ABCA13: variants seen among roughly 807,000 people sequenced by gnomAD.
ABCA13 encodes ATP-binding cassette sub-family A member 13.
Under a neutral mutation model 478.7 loss-of-function variants are expected in ABCA13, and 476 were observed. That is an observed-to-expected ratio of 0.99 (90% confidence interval 0.92 to 1.07). ABCA13 has a LOEUF of 1.07. ABCA13 is among the 50% of genes least tolerant of loss of function. The probability of loss-of-function intolerance (pLI) is 0.00; values close to 1 mark genes in which losing one functional copy is unlikely to be tolerated. For missense variants in ABCA13, 6,060 were observed against 5,910.6 expected (o/e 1.03, Z -0.83); for synonymous variants, 2,252 against 2,158.9 (o/e 1.04, Z -1.20).
chr7:48,410,857 A>G (rs1457996808), intron 40 of ABCA13, among the ~76,000 whole-genome samples, 180 bp downstream of exon 40: 2 of 152,256 alleles, frequency 1.3e-5, no homozygotes, highest in Admixed American at 6.5e-5. Flanking sequence ...GAACCCAAGC[A>G]TGCATTTTGA....
chr7:48,212,771 A>T (rs1359890976), intron 3 of ABCA13, among the ~76,000 whole-genome samples: 2 of 151,994 alleles, frequency 1.3e-5, no homozygotes, highest in Non-Finnish European at 2.9e-5. Context: ...TATGCAATTG[A>T]TTTTTTATTT....
intron 17 of ABCA13, among the ~76,000 whole-genome samples, chr7:48,277,067 G>T (rs1002964737): frequency 2.0e-5 from 3 of 152,184 alleles, no homozygotes; most frequent in Admixed American, 2.0e-4. Context: ...TGAAAAGGCT[G>T]GAGGGAAATT....
chr7:48,279,699 T>C lies in ABCA13; in HGVS notation c.8505T>C (p.Ser2835=). ...GGAAAGGACTTCTGTTTAACAACTC[T>C]GAATGGATAACTTCCACAAGAACTT... ...LWRKGLLFNN[S]EWITSTRTLF... is the part of the protein sequence containing the mutation. The change falls in exon 18 of 62, where the codon TCT becomes TCC. Residue 2835 remains serine, a synonymous_variant. Transcript: ENST00000435803. 6.2e-7 allele frequency: 1 copy of C among 1,613,700 alleles called. No homozygotes were observed. The highest frequency in any genetic ancestry group is 8.5e-7 in the Non-Finnish European group (1 of 1,179,784).
chr7:48,417,807 A>T lies in ABCA13; in HGVS notation c.12459+5224A>T, dbSNP rs144367672. 6.5e-4 allele frequency among the ~76,000 whole-genome samples: 99 copies of T among 152,168 alleles called. 3 individuals are homozygous for T. The East Asian group carries it at 0.015, about 23-fold the overall frequency. ...TATGGAACAGTTTCACTGCCCTGAA[A>T]ATCTCTTGTGCTCTGCCTAGCCATT... On this transcript the variant is annotated intron_variant, in intron 41 of 61. Coordinates refer to ENST00000435803, the MANE Select transcript of ABCA13 (RefSeq NM_152701.5).
At chr7:48,254,130 A>G (rs1180832638) in intron 15 of ABCA13, among the ~76,000 whole-genome samples, 1 of 152,018 alleles carries the variant, frequency 6.6e-6, no homozygotes, top group East Asian at 1.9e-4. Context: ...TATATGTTCT[A>G]GAATTTTCAT....
rs1803358346 is a variant in ABCA13, at chr7:48,320,951, T to G, written c.9999+3655T>G. On this transcript the variant is annotated intron_variant, in intron 27 of 61. Transcript: ENST00000435803. Reference sequence around the variant, plus strand: ...AGTGGAAAAAATACCAGAAATAATATTCAGAAAATAGTAAACCAATGGGAT... The same window carrying G: ...AGTGGAAAAAATACCAGAAATAATAGTCAGAAAATAGTAAACCAATGGGAT... Among the ~76,000 whole-genome samples the G allele has an allele frequency of 2.0e-5, 3 of 152,096 alleles. 1 individual carries two copies. Among genetic ancestry groups the G allele is most frequent in the South Asian group, 4.1e-4 (2 of 4,820 alleles).
At chr7:48,381,386 C>T (rs1814356606) in intron 35 of ABCA13, among the ~76,000 whole-genome samples, 1 of 151,984 alleles carries the variant, frequency 6.6e-6, no homozygotes, top group Non-Finnish European at 1.5e-5. Context: ...CACACACACA[C>T]ACACGCACGC....
intron 15 of ABCA13, among the ~76,000 whole-genome samples, chr7:48,250,532 A>G (rs1792392362): frequency 6.6e-6 from 1 of 152,174 alleles, no homozygotes; most frequent in African/African-American, 2.4e-5. Flanking sequence ...ACCACTTCCT[A>G]CATTCCAAGG....
At chr7:48,444,221 A>G (rs1454841932) in intron 42 of ABCA13, among the ~76,000 whole-genome samples, 2 of 152,180 alleles carry the variant, frequency 1.3e-5, no homozygotes, top group Admixed American at 6.5e-5. Context: ...AAGAGAAACA[A>G]AACCCTTCCT....
chr7:48,442,487 A>C (rs1240362447), intron 42 of ABCA13, among the ~76,000 whole-genome samples: 1 of 152,168 alleles, frequency 6.6e-6, no homozygotes, highest in African/African-American at 2.4e-5. Flanking sequence ...TTTTTAAAAT[A>C]ATTTTAATAA....
intron 23 of ABCA13, among the ~76,000 whole-genome samples, chr7:48,306,058 A>G (rs1800856594): frequency 6.6e-6 from 1 of 152,072 alleles, no homozygotes; most frequent in African/African-American, 2.4e-5. Context: ...CCTCCTACCT[A>G]CTCTCAAACA....
chr7:48,201,179 A>G (rs1165871296), intron 3 of ABCA13, among the ~76,000 whole-genome samples: 2 of 152,210 alleles, frequency 1.3e-5, no homozygotes, highest in Non-Finnish European at 2.9e-5. Context: ...ATTCAATAAG[A>G]AGTATAGCAA....
At chr7:48,304,678 C>T (rs1800645465) in intron 23 of ABCA13, among the ~76,000 whole-genome samples, 1 of 152,214 alleles carries the variant, frequency 6.6e-6, no homozygotes, top group Non-Finnish European at 1.5e-5. Context: ...ACTATGCTCA[C>T]TACCTGGGTG....
chr7:48,328,552 G>C (rs748439429), intron 27 of ABCA13, among the ~76,000 whole-genome samples: 4 of 152,190 alleles, frequency 2.6e-5, no homozygotes, highest in Middle Eastern at 6.8e-3. Context: ...TGTGAGACTA[G>C]ATAATATCCA....
intron 42 of ABCA13, among the ~76,000 whole-genome samples, chr7:48,433,238 G>A (rs1404207445): frequency 6.6e-6 from 1 of 151,866 alleles, no homozygotes; most frequent in African/African-American, 2.4e-5. Flanking sequence ...GGAGGAAACT[G>A]AGTAGCTGAA....
At chr7:48,600,918 G>A (rs1052718118) in intron 58 of ABCA13, among the ~76,000 whole-genome samples, 1 of 151,988 alleles carries the variant, frequency 6.6e-6, no homozygotes, top group Non-Finnish European at 1.5e-5. Context: ...TACTTTTTCT[G>A]GTCCTATCTA....
chr7:48,197,787 T>G (rs1047016908), intron 2 of ABCA13, among the ~76,000 whole-genome samples: 9 of 152,212 alleles, frequency 5.9e-5, no homozygotes, highest in African/African-American at 2.2e-4. Context: ...ACAACTATAT[T>G]TAAACATTAA....
At chr7:48,492,824 G>A (rs1228258635) in intron 48 of ABCA13, among the ~76,000 whole-genome samples, 3 of 152,056 alleles carry the variant, frequency 2.0e-5, no homozygotes, top group Non-Finnish European at 4.4e-5. Flanking sequence ...TCAGGAGTTC[G>A]AGACCAGCCT....
At chr7:48,368,685 G>GTGTATATATATA (rs1812103624) in intron 32 of ABCA13, among the ~76,000 whole-genome samples, 1 of 72,034 alleles carries the variant, frequency 1.4e-5, no homozygotes, top group African/African-American at 5.9e-5. Flanking sequence ...GTGTGTGTAT[G>GTGTATATATATA]TGTATATATA....
Sources: gnomAD v4.1 joint callset for allele counts (sites outside exome capture counted in the v4.1 genomes callset) on GRCh38, gnomAD v4.1.1 for gene constraint, MANE v1.5 for transcripts, NCBI Gene and HGNC (gene_info 2026-07-23, HGNC 2026-07-21) for gene names.